FAM76A: variants seen among roughly 807,000 people sequenced by gnomAD.
FAM76A encodes the protein family with sequence similarity 76 member A.
FAM76A carries 32 observed loss-of-function variants against 46.2 expected under a neutral mutation model. The ratio of observed to expected loss-of-function variants is 0.69; its 90% CI spans 0.52 to 0.93. The LOEUF (loss-of-function observed/expected upper bound fraction) is 0.93. Ranked by LOEUF, FAM76A falls within the 40% of genes least tolerant of loss-of-function variation. FAM76A has a pLI of 0.00. For synonymous variants in FAM76A, 137 were observed against 127.0 expected (o/e 1.08, Z -0.53); for missense variants, 274 against 361.5 (o/e 0.76, Z 1.96).
intron 4 of FAM76A, among the ~76,000 whole-genome samples, chr1:27,737,280 A>T (rs1168009168): frequency 6.6e-6 from 1 of 152,158 alleles, no homozygotes; most frequent in African/African-American, 2.4e-5. Context: ...TATTTTTAAG[A>T]GACAGATCTG....
intron 7 of FAM76A, among the ~76,000 whole-genome samples, chr1:27,756,284 ATATCT>A (rs2148586819): frequency 6.6e-6 from 1 of 152,144 alleles, no homozygotes; most frequent in Admixed American, 6.5e-5. Flanking sequence ...TAATATTTTA[ATATCT>A]TAGTTTATCT....
At chr1:27,757,647 G>T (rs548587282) in intron 7 of FAM76A, among the ~76,000 whole-genome samples, 1 of 152,076 alleles carries the variant, frequency 6.6e-6, no homozygotes, top group Non-Finnish European at 1.5e-5. Flanking sequence ...GGGATTACAG[G>T]CATGAGCTAC....
rs543073326 is a variant in FAM76A at position 27,739,178 on chromosome 1, T to A, written c.354+4995T>A. Reference sequence around the variant, plus strand: ...AGACCATTTTCACCTACTTTATCAGTTCTAAGGATGCTGGAGGAAAAGCTG... The same window carrying A: ...AGACCATTTTCACCTACTTTATCAGATCTAAGGATGCTGGAGGAAAAGCTG... On this transcript the variant is annotated intron_variant, in intron 4 of 8. Coordinates refer to ENST00000373954, the MANE Select transcript of FAM76A (RefSeq NM_152660.3). 7.4e-6 allele frequency: 3 copies of A among 404,676 alleles called. No homozygotes were observed. The Admixed American group carries it at 9.5e-5, about 13-fold the overall frequency. The allele number at this position is 404,676 out of a possible 1,614,324, so 25.1% of individuals were successfully genotyped here.
At chr1:27,759,750 T>G in intron 8 of FAM76A, 123 bp downstream of exon 8, 1 of 705,308 alleles carries the variant, frequency 1.4e-6, no homozygotes, top group Admixed American at 3.1e-5. Context: ...ACAAATCATG[T>G]TAATCCCCCT....
At position 27,761,201 on chromosome 1, in the gene FAM76A, C is replaced by T. The variant is rs1208224991; in HGVS notation, c.*620C>T. On this transcript the variant is annotated 3_prime_UTR_variant, in exon 9 of 9. Transcript: ENST00000373954. ...TTTTATTTATTTTTTAAAAAAGAAA[C>T]TTTTTCTTGATAAAGGAATAATGGT... 6.6e-6 allele frequency: 1 copy of T among 151,834 alleles called. No homozygotes were observed. The highest frequency in any genetic ancestry group is 2.4e-5 in the African/African-American group (1 of 41,214). 9.4% of individuals were successfully genotyped at this position (151,834 alleles called of 1,614,324 possible).
intron 6 of FAM76A, among the ~76,000 whole-genome samples, chr1:27,750,559 A>G (rs1479328031): frequency 6.6e-6 from 1 of 152,228 alleles, no homozygotes; most frequent in Non-Finnish European, 1.5e-5. Context: ...GCCAAGACCT[A>G]TGGCTTTAGA....
At position 27,725,992 on chromosome 1, in the gene FAM76A, G is replaced by A. The variant is rs923263625; in HGVS notation, c.-89G>A. ...GCCCGCCCGCCTGCCGCAGCCAGCA[G>A]CCTGCAGCCGCCGCCGGGTTGTGCC... On this transcript the variant is annotated 5_prime_UTR_variant, in exon 1 of 9. Coordinates refer to ENST00000373954, the MANE Select transcript of FAM76A (RefSeq NM_152660.3). 10 of 1,082,282 alleles carry A rather than the reference G, an allele frequency of 9.2e-6. No homozygotes were observed. Among genetic ancestry groups the A allele is most frequent in the South Asian group, 4.5e-5 (1 of 22,148 alleles). 67.0% of individuals were successfully genotyped at this position (1,082,282 alleles called of 1,614,324 possible).
Position 27,756,756 on chromosome 1 carries a change from T to G in FAM76A, c.735+1426T>G, listed in dbSNP as rs1009328859. Among the ~76,000 whole-genome samples the G allele has an allele frequency of 2.6e-5, 4 of 151,768 alleles. No homozygotes were observed. In the South Asian group the frequency reaches 8.4e-4, roughly 32 times the overall value. On this transcript the variant is annotated intron_variant, in intron 7 of 8. Transcript: ENST00000373954. ...TGTCTGTTATCTTGTTTTCAGGTTT[T>G]CTAAATAGTATCTCATTTTTAGGCT...
At position 27,762,272 on chromosome 1, in the gene FAM76A, C is replaced by T. The variant is rs2088522517; in HGVS notation, c.*1691C>T. 1 of 152,168 alleles carries T rather than the reference C, an allele frequency of 6.6e-6. No homozygotes were observed. The highest frequency in any genetic ancestry group is 3.2e-3 in the Middle Eastern group (1 of 316). 9.4% of individuals were successfully genotyped at this position (152,168 alleles called of 1,614,324 possible). ...AGATTTACATTTCTAGGCATACTCT[C>T]AGGTCCTCTATGTGATGTTTGTGAA... On this transcript the variant is annotated 3_prime_UTR_variant, in exon 9 of 9. Coordinates refer to ENST00000373954, the MANE Select transcript of FAM76A (RefSeq NM_152660.3).
At chr1:27,739,069 C>T (rs993932784) in intron 4 of FAM76A, 26 of 257,480 alleles carry the variant, frequency 1.0e-4, no homozygotes, top group African/African-American at 5.5e-4. Flanking sequence ...CCATGAGGCA[C>T]ACTGCAGATA....
intron 4 of FAM76A, chr1:27,739,365 G>A: frequency 3.8e-6 from 2 of 523,688 alleles, no homozygotes; most frequent in African/African-American, 3.9e-5. Context: ...ACTTAAATAT[G>A]GAACACCTCA....
At position 27,726,147 on chromosome 1, in the gene FAM76A, C is replaced by A; in HGVS notation, c.67C>A (p.Gln23Lys). Residue 23 changes from glutamine to lysine, a missense_variant, in exon 1 of 9, where the codon CAG becomes AAG. Physicochemically the swap from Gln to Lys is moderately conservative, Grantham distance 53 (BLOSUM62 1). Coordinates refer to ENST00000373954, the MANE Select transcript of FAM76A (RefSeq NM_152660.3). Reference sequence around the variant, plus strand: ...CCCCTTCGAGGCGCTGTCTCAGGGGCAGCAGCTGTGCAAGGTGCGCGGGCT... The same window carrying A: ...CCCCTTCGAGGCGCTGTCTCAGGGGAAGCAGCTGTGCAAGGTGCGCGGGCT... ...RFPFEALSQG[Q>K]QLCKECRIAH... The A allele has an allele frequency of 7.7e-7, 1 of 1,306,192 alleles. No homozygotes were observed. The highest frequency in any genetic ancestry group is 9.8e-7 in the Non-Finnish European group (1 of 1,022,998). The allele number at this position is 1,306,192 out of a possible 1,614,324, so 80.9% of individuals were successfully genotyped here. A position where few individuals can be genotyped will look rare whatever the true frequency, so the allele number is the denominator to read the frequency against.
chr1:27,747,964 T>G (rs1207595505), intron 5 of FAM76A, among the ~76,000 whole-genome samples: 1 of 151,832 alleles, frequency 6.6e-6, no homozygotes, highest in Non-Finnish European at 1.5e-5. Context: ...AGTTCAAATA[T>G]ATTGACCTGG....
chr1:27,760,021 C>T lies in FAM76A; in HGVS notation c.837+394C>T, dbSNP rs774723631. ...CTCCTGGCTTCAAGCAATCCTCCCA[C>T]CTCAACCTCACAAAGTGCTAGGATT... On this transcript the variant is annotated intron_variant, in intron 8 of 8. Coordinates refer to ENST00000373954, the MANE Select transcript of FAM76A (RefSeq NM_152660.3). 20 of 458,052 alleles carry T rather than the reference C, an allele frequency of 4.4e-5. No homozygotes were observed. In the Middle Eastern group the frequency reaches 4.6e-3, roughly 106 times the overall value. 28.4% of individuals were successfully genotyped at this position (458,052 alleles called of 1,614,324 possible). A position where few individuals can be genotyped will look rare whatever the true frequency, so the allele number is the denominator to read the frequency against.
chr1:27,749,571 G>T (rs1461317245), intron 6 of FAM76A, among the ~76,000 whole-genome samples: 7 of 152,160 alleles, frequency 4.6e-5, no homozygotes, highest in Admixed American at 2.0e-4. Context: ...TCACCATGTT[G>T]ACTTGAACTC....
At chr1:27,754,428 G>A (rs2088379024) in intron 6 of FAM76A, among the ~76,000 whole-genome samples, 1 of 152,168 alleles carries the variant, frequency 6.6e-6, no homozygotes. Context: ...TTCTTAAGAG[G>A]CTCTGCTAAA....
Position 27,759,779 on chromosome 1 carries a change from G to GTTTTTTTTTTTTTTT in FAM76A, c.837+162_837+163insTTTTTTTTTTTTTTT, listed in dbSNP as rs542481822. ...TCCCCCTTTTAGGTTTTTTTTTTTT[G>GTTTTTTTTTTTTTTT]TTTTTTTTTTGAGACAGGTTCTCTG... On this transcript the variant is annotated intron_variant, in intron 8 of 8. Transcript: ENST00000373954. 7.6e-4 allele frequency: 275 copies of GTTTTTTTTTTTTTTT among 363,444 alleles called. 7 individuals carry two copies. Among genetic ancestry groups the GTTTTTTTTTTTTTTT allele is most frequent in the African/African-American group, 3.9e-3 (118 of 30,238 alleles). The allele number at this position is 363,444 out of a possible 1,614,324, so 22.5% of individuals were successfully genotyped here. A position where few individuals can be genotyped will look rare whatever the true frequency, so the allele number is the denominator to read the frequency against.
At chr1:27,740,080 A>C (rs1286319162) in intron 4 of FAM76A, 2 of 416,522 alleles carry the variant, frequency 4.8e-6, no homozygotes, top group Non-Finnish European at 9.4e-6. Flanking sequence ...TTTGTTCCCA[A>C]CGTCACCTTT....
At chr1:27,736,354 T>G (rs1396714469) in intron 4 of FAM76A, among the ~76,000 whole-genome samples, 1 of 152,096 alleles carries the variant, frequency 6.6e-6, no homozygotes, top group Non-Finnish European at 1.5e-5. Flanking sequence ...GTATCTGGAC[T>G]CAGAATGTGT....
Sources: allele counts gnomAD v4.1 joint callset (sites outside exome capture counted in the v4.1 genomes callset), GRCh38; gene constraint gnomAD v4.1.1; transcripts MANE v1.5; gene names NCBI Gene and HGNC (gene_info 2026-07-23, HGNC 2026-07-21).